CRACD: variants seen among roughly 807,000 people sequenced by gnomAD.
The protein encoded by CRACD is capping protein inhibiting regulator of actin dynamics.
A neutral mutation model predicts 106.8 loss-of-function variants in CRACD; 56 were observed. That is an observed-to-expected ratio of 0.52 (90% CI 0.42 to 0.66). The LOEUF is 0.66. CRACD is among the 30% of genes least tolerant of loss of function. The pLI, the probability that CRACD is intolerant of heterozygous loss-of-function variation, is 0.00. For synonymous variants in CRACD, 754 were observed against 670.8 expected (o/e 1.12, Z -1.92); for missense variants, 1,730 against 1,623.2 (o/e 1.07, Z -1.13).
At chr4:56,062,459 A>G (rs1199103474) in intron 1 of CRACD, among the ~76,000 whole-genome samples, 1 of 152,198 alleles carries the variant, frequency 6.6e-6, no homozygotes, top group Non-Finnish European at 1.5e-5. Context: ...GTGATACGAA[A>G]TGGTTCAGCA....
chr4:56,307,389 C>T (rs530170611), intron 4 of CRACD, 146 bp from the exon 5 acceptor site: 1 of 633,638 alleles, frequency 1.6e-6, no homozygotes, highest in Non-Finnish European at 2.6e-6. Context: ...AGGATGGCAT[C>T]ATGGTTTCCT....
rs953069596 is a variant in CRACD at position 56,098,519 on chromosome 4, A to C, written c.-336+49220A>C. 3.3e-5 allele frequency among the ~76,000 whole-genome samples: 5 copies of C among 152,182 alleles called. 1 individual carries two copies. Among genetic ancestry groups the C allele is most frequent in the Admixed American group, 2.0e-4 (3 of 15,288 alleles). On this transcript the variant is annotated intron_variant, in intron 1 of 10. Coordinates refer to ENST00000682029, the MANE Select transcript of CRACD (RefSeq NM_001393381.1). ...TAATTACTGAAGGTTTTTCTGATGT[A>C]CTCTGTAAGAGTAATTTTAGTTGTC...
At chr4:56,208,093 C>A (rs528815699) in intron 2 of CRACD, among the ~76,000 whole-genome samples, 2 of 151,806 alleles carry the variant, frequency 1.3e-5, no homozygotes, top group African/African-American at 4.8e-5. Context: ...GAATTACAGA[C>A]GTGATCTATC....
chr4:56,183,113 A>G (rs1054619667), intron 2 of CRACD, among the ~76,000 whole-genome samples: 1 of 151,532 alleles, frequency 6.6e-6, no homozygotes, highest in Non-Finnish European at 1.5e-5. Flanking sequence ...CATGCCTGTA[A>G]TCCCAGCTAC....
At chr4:56,234,545 G>A (rs994943263) in intron 2 of CRACD, among the ~76,000 whole-genome samples, 9 of 152,116 alleles carry the variant, frequency 5.9e-5, no homozygotes, top group Non-Finnish European at 1.3e-4. Context: ...TGAACATTGT[G>A]TGGTGATTCC....
chr4:56,188,015 C>T (rs189211754), intron 2 of CRACD, among the ~76,000 whole-genome samples: 4 of 152,102 alleles, frequency 2.6e-5, no homozygotes, highest in Non-Finnish European at 4.4e-5. Flanking sequence ...GTCCAAGGAA[C>T]GATGAAGAAG....
intron 2 of CRACD, among the ~76,000 whole-genome samples, chr4:56,271,105 C>CAA (rs569383234): frequency 6.5e-5 from 4 of 61,336 alleles, no homozygotes; most frequent in Non-Finnish European, 7.1e-5. Flanking sequence ...AACTCCATCT[C>CAA]AAAAAAAAAA....
chr4:56,239,177 C>T (rs1389291951), intron 2 of CRACD, among the ~76,000 whole-genome samples: 1 of 152,062 alleles, frequency 6.6e-6, no homozygotes, highest in Non-Finnish European at 1.5e-5. Flanking sequence ...CCTGTAATCT[C>T]AGCTACTCAG....
chr4:56,210,729 T>G (rs916033800), intron 2 of CRACD, among the ~76,000 whole-genome samples: 1 of 152,204 alleles, frequency 6.6e-6, no homozygotes, highest in Non-Finnish European at 1.5e-5. Flanking sequence ...AGATGTAAAT[T>G]TCTTTTACAA....
chr4:56,269,706 C>T (rs1451949108), intron 2 of CRACD, among the ~76,000 whole-genome samples: 2 of 151,720 alleles, frequency 1.3e-5, no homozygotes, highest in Admixed American at 6.6e-5. Flanking sequence ...GCTGGGACTA[C>T]AGGCACACGC....
chr4:56,106,065 C>T (rs529357724), intron 1 of CRACD, among the ~76,000 whole-genome samples: 26 of 152,234 alleles, frequency 1.7e-4, no homozygotes, highest in Non-Finnish European at 3.5e-4. Flanking sequence ...AGCTTAGTCT[C>T]CTGTTGTAGA....
At chr4:56,173,866 C>A (rs1264486773) in intron 1 of CRACD, among the ~76,000 whole-genome samples, 2 of 152,154 alleles carry the variant, frequency 1.3e-5, no homozygotes, top group African/African-American at 4.8e-5. Context: ...TTCAATTTTT[C>A]TGCATCCTCA....
At position 56,096,753 on chromosome 4, in the gene CRACD, CAA is replaced by C. The variant is rs375697083; in HGVS notation, c.-336+47455_-336+47456del. ...GTATGAAGGTCACTGGTGACAGTGA[CAA>C]GAGCAGTTCGATGGAACAGTGGTGG... On this transcript the variant is annotated intron_variant, in intron 1 of 10. Transcript: ENST00000682029. Among the ~76,000 whole-genome samples, 255 of 152,048 alleles carry C rather than the reference CAA, an allele frequency of 1.7e-3. 1 individual carries two copies. The highest frequency in any genetic ancestry group is 6.1e-3 in the African/African-American group (251 of 41,442).
At chr4:56,102,935 T>G (rs1733825939) in intron 1 of CRACD, among the ~76,000 whole-genome samples, 1 of 152,232 alleles carries the variant, frequency 6.6e-6, no homozygotes, top group African/African-American at 2.4e-5. Context: ...TGGACTCCCC[T>G]ACTTTGTGCT....
At position 56,265,401 on chromosome 4, in the gene CRACD, G is replaced by GA. The variant is rs1553915494; in HGVS notation, c.-188-6920_-188-6919insA. Among the ~76,000 whole-genome samples, 285 of 116,246 alleles carry GA rather than the reference G, an allele frequency of 2.5e-3. 2 individuals carry two copies. The highest frequency in any genetic ancestry group is 7.2e-3 in the African/African-American group (239 of 33,338). The allele number at this position is 116,246 out of a possible 152,430, so 76.3% of individuals were successfully genotyped here. ...GCAGTGTACTCAGGGGTATAGAGGA[G>GA]GGGTGTGTGTGTGTGTGTGTGTGTG... is the stretch of plus-strand genomic sequence containing the variant. On this transcript the variant is annotated intron_variant, in intron 2 of 10. Transcript: ENST00000682029.
chr4:56,136,241 C>G (rs1734995551), intron 1 of CRACD, among the ~76,000 whole-genome samples: 2 of 152,070 alleles, frequency 1.3e-5, no homozygotes, highest in African/African-American at 4.8e-5. Context: ...AAGTCTTTGT[C>G]TGGAAATAAG....
chr4:56,278,802 C>T (rs768243704), intron 3 of CRACD, among the ~76,000 whole-genome samples: 8 of 152,036 alleles, frequency 5.3e-5, no homozygotes, highest in Admixed American at 2.6e-4. Flanking sequence ...TGACCCCCTC[C>T]CCAAATTTTT....
At chr4:56,317,819 C>A (rs756147392) in intron 8 of CRACD, among the ~76,000 whole-genome samples, 8 of 141,514 alleles carry the variant, frequency 5.7e-5, no homozygotes, top group African/African-American at 1.1e-4. Context: ...TTGGAGCAAG[C>A]CTTACCTCTG....
rs1560531341 is a variant in CRACD at position 56,310,800 on chromosome 4, T to TCCCC, written c.354+66_354+67insCCCC. 8 of 678,234 alleles carry TCCCC rather than the reference T, an allele frequency of 1.2e-5. No individual in the cohort carries two copies. In the African/African-American group the frequency reaches 1.7e-4, roughly 15 times the overall value. The allele number at this position is 678,234 out of a possible 1,614,324, so 42.0% of individuals were successfully genotyped here. A position where few individuals can be genotyped will look rare whatever the true frequency, so the allele number is the denominator to read the frequency against. ...CTTAACTTTCATCTTCCCCCCCCCT[T>TCCCC]TTTTTTTTTTGCGACCTGCTGCCTC... On this transcript the variant is annotated intron_variant, in intron 6 of 10. Coordinates refer to ENST00000682029, the MANE Select transcript of CRACD (RefSeq NM_001393381.1).
Sources: gnomAD v4.1 joint callset for allele counts (sites outside exome capture counted in the v4.1 genomes callset) on GRCh38, gnomAD v4.1.1 for gene constraint, MANE v1.5 for transcripts, NCBI Gene and HGNC (gene_info 2026-07-23, HGNC 2026-07-21) for gene names.